Variants in CLSTN2 observed in about 807,000 individuals in gnomAD.
CLSTN2 encodes calsyntenin 2, also known as calsyntenin-2.
In CLSTN2, 48 loss-of-function variants were observed where a neutral mutation model predicts 101.2. The ratio of observed to expected loss-of-function variants is 0.47; its 90% CI spans 0.38 to 0.60. The LOEUF is 0.60. Among genes scored for constraint, CLSTN2 ranks in the 20% least tolerant of loss-of-function variants. CLSTN2 has a pLI of 0.00. For missense variants in CLSTN2, 1,160 were observed against 1,238.2 expected (o/e 0.94, Z 0.95); for synonymous variants, 481 against 463.6 (o/e 1.04, Z -0.48).
At chr3:140,101,048 G>T (rs550579232) in intron 1 of CLSTN2, among the ~76,000 whole-genome samples, 1 of 152,136 alleles carries the variant, frequency 6.6e-6, no homozygotes, top group African/African-American at 2.4e-5. Flanking sequence ...GGTACACTGG[G>T]GTCACACTGG....
chr3:139,948,346 T>C (rs1222497955), intron 1 of CLSTN2, among the ~76,000 whole-genome samples: 1 of 152,042 alleles, frequency 6.6e-6, no homozygotes, highest in Non-Finnish European at 1.5e-5. Context: ...GTGCCTGTAA[T>C]CCCAGCTACT....
intron 1 of CLSTN2, among the ~76,000 whole-genome samples, chr3:140,150,211 G>A (rs1442600157): frequency 6.6e-6 from 1 of 152,198 alleles, no homozygotes; most frequent in East Asian, 1.9e-4. Context: ...GCTAGGTGAA[G>A]GGACACAGTG....
At chr3:140,340,793 G>C (rs1041267888) in intron 2 of CLSTN2, among the ~76,000 whole-genome samples, 2 of 152,302 alleles carry the variant, frequency 1.3e-5, no homozygotes, top group Non-Finnish European at 2.9e-5. Context: ...CCATTTAGCT[G>C]TCACGTCTTC....
chr3:140,457,420 AC>A (rs1933430759), intron 6 of CLSTN2, among the ~76,000 whole-genome samples: 1 of 152,240 alleles, frequency 6.6e-6, no homozygotes, highest in South Asian at 2.1e-4. Flanking sequence ...TTCCAGGGGT[AC>A]TAGGAAAATG....
intron 5 of CLSTN2, among the ~76,000 whole-genome samples, chr3:140,431,714 G>T (rs1373273794): frequency 6.6e-6 from 1 of 152,152 alleles, no homozygotes; most frequent in Non-Finnish European, 1.5e-5. Context: ...AGGTGATGGG[G>T]GAATGGGGTC....
chr3:140,144,616 CA>C (rs1039958805), intron 1 of CLSTN2, among the ~76,000 whole-genome samples: 23 of 146,358 alleles, frequency 1.6e-4, no homozygotes, highest in Admixed American at 6.8e-4. Flanking sequence ...ACTTCATCTC[CA>C]AAAAAAAAAG....
chr3:140,106,228 G>C (rs1359805106), intron 1 of CLSTN2, among the ~76,000 whole-genome samples: 1 of 152,174 alleles, frequency 6.6e-6, no homozygotes, highest in Non-Finnish European at 1.5e-5. Flanking sequence ...ATTCTGGAGA[G>C]AAGCCTCCTC....
At chr3:139,966,857 C>T (rs1274835448) in intron 1 of CLSTN2, among the ~76,000 whole-genome samples, 2 of 152,076 alleles carry the variant, frequency 1.3e-5, no homozygotes, top group African/African-American at 4.8e-5. Context: ...AGACTGAGGT[C>T]CTATGCTGAT....
chr3:140,165,791 A>G (rs2010126112), intron 1 of CLSTN2, among the ~76,000 whole-genome samples: 1 of 152,210 alleles, frequency 6.6e-6, no homozygotes, highest in Non-Finnish European at 1.5e-5. Flanking sequence ...AATACTTTTC[A>G]AAATGCTATT....
intron 2 of CLSTN2, among the ~76,000 whole-genome samples, chr3:140,299,543 C>T (rs895039169): frequency 6.6e-6 from 1 of 152,158 alleles, no homozygotes; most frequent in East Asian, 1.9e-4. Flanking sequence ...GTAGCAGAGC[C>T]TTCAGCCAGG....
chr3:140,111,603 T>C (rs1182351218), intron 1 of CLSTN2, among the ~76,000 whole-genome samples: 3 of 152,102 alleles, frequency 2.0e-5, no homozygotes, highest in Non-Finnish European at 4.4e-5. Flanking sequence ...ATCTCTTTCT[T>C]CCTGCCCCGA....
At chr3:140,134,213 G>A (rs961301643) in intron 1 of CLSTN2, among the ~76,000 whole-genome samples, 1 of 152,110 alleles carries the variant, frequency 6.6e-6, no homozygotes, top group East Asian at 1.9e-4. Context: ...TTATCATATA[G>A]TTGTAAGCAC....
chr3:139,972,541 A>C (rs1935730055), intron 1 of CLSTN2, among the ~76,000 whole-genome samples: 1 of 152,150 alleles, frequency 6.6e-6, no homozygotes, highest in Non-Finnish European at 1.5e-5. Flanking sequence ...CCCTATTCTC[A>C]GAGTTTTGCT....
intron 2 of CLSTN2, among the ~76,000 whole-genome samples, chr3:140,335,740 C>T (rs1048489474): frequency 2.0e-5 from 3 of 152,180 alleles, no homozygotes; most frequent in Admixed American, 1.3e-4. Context: ...CTGGTTCCTG[C>T]GATGCTAAAA....
At chr3:139,939,875 C>G (rs1321907268) in intron 1 of CLSTN2, among the ~76,000 whole-genome samples, 1 of 152,178 alleles carries the variant, frequency 6.6e-6, no homozygotes, top group Non-Finnish European at 1.5e-5. Context: ...TGTACTCTGA[C>G]CTGCTGCCAT....
chr3:140,102,486 A>G (rs546006998), intron 1 of CLSTN2, among the ~76,000 whole-genome samples: 5 of 141,012 alleles, frequency 3.5e-5, no homozygotes, highest in Non-Finnish European at 4.9e-5. Context: ...ATCATGAGAC[A>G]TATTGCAAAG....
chr3:140,215,836 T>G (rs1338034372), intron 2 of CLSTN2, among the ~76,000 whole-genome samples: 1 of 152,200 alleles, frequency 6.6e-6, no homozygotes, highest in Non-Finnish European at 1.5e-5. Context: ...TGACATATGG[T>G]GAGTACTCAA....
intron 1 of CLSTN2, among the ~76,000 whole-genome samples, chr3:140,009,922 C>T (rs1034650778): frequency 5.3e-5 from 8 of 152,202 alleles, no homozygotes; most frequent in African/African-American, 9.7e-5. Context: ...CTTGTCCAGA[C>T]GTTGCTTCAT....
At chr3:140,553,000 G>A (rs373465220) in intron 10 of CLSTN2, among the ~76,000 whole-genome samples, 29 of 152,218 alleles carry the variant, frequency 1.9e-4, no homozygotes, top group Non-Finnish European at 2.9e-4. Flanking sequence ...ACTCACTAGC[G>A]TGAGGCAGCT....
Sources: gnomAD v4.1 joint callset for allele counts (sites outside exome capture counted in the v4.1 genomes callset) on GRCh38, gnomAD v4.1.1 for gene constraint, MANE v1.5 for transcripts, NCBI Gene and HGNC (gene_info 2026-07-23, HGNC 2026-07-21) for gene names.